Variants in PHLPP1 observed in about 807,000 individuals in gnomAD.
PHLPP1 encodes the protein PH domain and leucine rich repeat protein phosphatase 1.
PHLPP1 carries 42 observed loss-of-function variants against 117.2 expected under a neutral mutation model. The observed-to-expected ratio is 0.36, with a 90% CI of 0.28 to 0.46. The LOEUF (loss-of-function observed/expected upper bound fraction) is 0.46, where lower values mean the gene tolerates loss of function less well. PHLPP1 is among the 20% of genes least tolerant of loss of function. PHLPP1 has a pLI of 1.00. For missense variants in PHLPP1, 2,084 were observed against 2,241.9 expected (o/e 0.93, Z 1.42); for synonymous variants, 1,042 against 970.7 (o/e 1.07, Z -1.37).
intron 1 of PHLPP1, among the ~76,000 whole-genome samples, chr18:62,798,334 A>G (rs1223840064): frequency 6.6e-6 from 1 of 152,184 alleles, no homozygotes; most frequent in Non-Finnish European, 1.5e-5. Context: ...GGTGTGCATG[A>G]TTCCACTCAT....
At chr18:62,876,993 C>T (rs751805536) in intron 4 of PHLPP1, among the ~76,000 whole-genome samples, 4 of 151,536 alleles carry the variant, frequency 2.6e-5, no homozygotes, top group Admixed American at 6.6e-5. Flanking sequence ...TGGAGTTGGG[C>T]GTGCAAGGAT....
intron 1 of PHLPP1, among the ~76,000 whole-genome samples, chr18:62,808,150 G>A (rs1914004775): frequency 6.6e-6 from 1 of 152,134 alleles, no homozygotes; most frequent in Admixed American, 6.5e-5. Context: ...TTGAGGAAGA[G>A]GCTTTGGGTT....
chr18:62,868,563 A>G (rs1915823245), intron 4 of PHLPP1, among the ~76,000 whole-genome samples: 1 of 151,098 alleles, frequency 6.6e-6, no homozygotes, highest in Non-Finnish European at 1.5e-5. Flanking sequence ...CAGAGGTTGC[A>G]GTGAGCTGAA....
At chr18:62,836,255 G>A (rs1914892929) in intron 2 of PHLPP1, among the ~76,000 whole-genome samples, 1 of 151,222 alleles carries the variant, frequency 6.6e-6, no homozygotes, top group Non-Finnish European at 1.5e-5. Context: ...CCAAGATGGT[G>A]AAACCCTGTC....
intron 4 of PHLPP1, among the ~76,000 whole-genome samples, chr18:62,888,654 C>T (rs1026335636): frequency 5.9e-5 from 9 of 152,188 alleles, no homozygotes; most frequent in African/African-American, 2.2e-4. Context: ...GCCGTTATCA[C>T]ACCACTGCAC....
At chr18:62,767,324 T>C (rs1032399743) in intron 1 of PHLPP1, among the ~76,000 whole-genome samples, 39 of 152,236 alleles carry the variant, frequency 2.6e-4, no homozygotes, top group African/African-American at 9.2e-4. Context: ...TCTCAGTTAA[T>C]GAACAGTGGG....
intron 11 of PHLPP1, 43 bp downstream of exon 11, chr18:62,941,961 A>T (rs765277485): frequency 2.7e-6 from 4 of 1,468,888 alleles, no homozygotes; most frequent in Non-Finnish European, 3.8e-6. Flanking sequence ...TGCATTTCTC[A>T]AAGTGTATTC....
chr18:62,716,029 G>T lies in PHLPP1; in HGVS notation c.346G>T (p.Ala116Ser). ...AAPVPGAGGGANSLLLRRGRL... is the reference protein window; with the variant it reads ...AAPVPGAGGGSNSLLLRRGRL... ...CCCCGTACCCGGGGCCGGCGGCGGC[G>T]CCAACTCCCTCCTGCTGAGGAGAGG... Residue 116 changes from alanine to serine, a missense_variant, in exon 1 of 17, where the codon GCC (alanine) becomes TCC (serine). By Grantham distance (99) the Ala-to-Ser change is moderately conservative. This residue lies in a region of PHLPP1 where 719 missense variants were observed against 636.0 expected (regional missense o/e 1.13). Coordinates refer to ENST00000262719, the MANE Select transcript of PHLPP1 (RefSeq NM_194449.4). The surrounding 1 kb of genome is among the most constrained non-coding windows in gnomAD (Gnocchi z 5.7). 1.4e-6 allele frequency: 2 copies of T among 1,401,956 alleles called. No individual in the cohort carries two copies. The allele number at this position is 1,401,956 out of a possible 1,614,324, so 86.8% of individuals were successfully genotyped here. A position where few individuals can be genotyped will look rare whatever the true frequency, so the allele number is the denominator to read the frequency against.
chr18:62,735,040 C>CTT (rs34602238), intron 1 of PHLPP1, among the ~76,000 whole-genome samples: 1 of 143,276 alleles, frequency 7.0e-6, no homozygotes, highest in Non-Finnish European at 1.5e-5. Flanking sequence ...GGATGTCATT[C>CTT]TTTTTTTTTT....
At chr18:62,813,173 T>C (rs1914172909) in intron 1 of PHLPP1, among the ~76,000 whole-genome samples, 1 of 152,182 alleles carries the variant, frequency 6.6e-6, no homozygotes, top group South Asian at 2.1e-4. Flanking sequence ...ATATTGCTCC[T>C]GGAACTGAGC....
At chr18:62,929,940 G>T (rs981805150) in intron 10 of PHLPP1, among the ~76,000 whole-genome samples, 32 of 152,210 alleles carry the variant, frequency 2.1e-4, no homozygotes, top group African/African-American at 7.7e-4. Flanking sequence ...CTGAGTGACA[G>T]ACCGTCTCTA....
At chr18:62,970,620 C>T (rs1911024095) in intron 14 of PHLPP1, among the ~76,000 whole-genome samples, 1 of 152,100 alleles carries the variant, frequency 6.6e-6, no homozygotes, top group Non-Finnish European at 1.5e-5. Flanking sequence ...CAAAAATTAG[C>T]TGGGCGTGGT....
At chr18:62,898,539 C>T (rs766140352) in intron 6 of PHLPP1, among the ~76,000 whole-genome samples, 2 of 152,204 alleles carry the variant, frequency 1.3e-5, no homozygotes, top group East Asian at 3.9e-4. Flanking sequence ...GTACTCAAGC[C>T]CTCATATTTG....
intron 8 of PHLPP1, among the ~76,000 whole-genome samples, chr18:62,912,428 C>G (rs1568159038): frequency 6.6e-6 from 1 of 151,246 alleles, no homozygotes; most frequent in Non-Finnish European, 1.5e-5. Context: ...GCATTTCCTA[C>G]TACCTATCAG....
Position 62,902,944 on chromosome 18 carries a change from C to G in PHLPP1, c.2445-20C>G, listed in dbSNP as rs755261956. ...ATAGCATTGCAGTTAATTATAGTCT[C>G]TATGTCCTTTGCCCTCAAGGTTGAA... On this transcript the variant is annotated intron_variant, in intron 6 of 16. Transcript: ENST00000262719. The G allele has an allele frequency of 1.3e-6, 2 of 1,534,878 alleles. No homozygotes were observed. The highest frequency in any genetic ancestry group is 1.8e-6 in the Non-Finnish European group (2 of 1,114,670).
Position 62,717,254 on chromosome 18 carries a change from A to G in PHLPP1, c.1571A>G (p.Tyr524Cys), listed in dbSNP as rs755155602. The G allele has an allele frequency of 6.9e-6, 11 of 1,583,542 alleles. No individual in the cohort carries two copies. The highest frequency in any genetic ancestry group is 2.7e-5 in the African/African-American group (2 of 74,152). Reference sequence around the variant, plus strand: ...GAGATTGGCTGCCTCATCCGCTTCTATGCAGGTAAGGAAGTCACCTGCCTT... The same window carrying G: ...GAGATTGGCTGCCTCATCCGCTTCTGTGCAGGTAAGGAAGTCACCTGCCTT... ...DSEIGCLIRF[Y>C]AGKPHSTGSS... The change falls in exon 1 of 17, where the codon TAT becomes TGT. Residue 524 changes from tyrosine to cysteine, a missense_variant. This residue lies in a region of PHLPP1 where 1,365 missense variants were observed against 1,605.9 expected (regional missense o/e 0.85). Transcript: ENST00000262719.
chr18:62,851,720 A>G (rs1015030992), intron 3 of PHLPP1, among the ~76,000 whole-genome samples: 3 of 152,106 alleles, frequency 2.0e-5, no homozygotes, highest in Non-Finnish European at 2.9e-5. Flanking sequence ...CGGCCTCCCA[A>G]AGTGCTAGGA....
intron 1 of PHLPP1, among the ~76,000 whole-genome samples, chr18:62,818,516 A>G (rs887468233): frequency 6.6e-6 from 1 of 152,138 alleles, no homozygotes; most frequent in Admixed American, 6.6e-5. Context: ...TGACACAGCA[A>G]GACTCCATCT....
intron 1 of PHLPP1, among the ~76,000 whole-genome samples, chr18:62,763,768 C>G (rs376880358): frequency 5.3e-5 from 8 of 152,158 alleles, no homozygotes; most frequent in African/African-American, 1.9e-4. Context: ...CCTCTGTCTT[C>G]GTGACTTTTC....
Sources: allele counts gnomAD v4.1 joint callset (sites outside exome capture counted in the v4.1 genomes callset), GRCh38; gene constraint gnomAD v4.1.1; regional missense constraint gnomAD v4.1.1; non-coding constraint Gnocchi (gnomAD v3.1); transcripts MANE v1.5; gene names NCBI Gene and HGNC (gene_info 2026-07-23, HGNC 2026-07-21).